Variants in MARVELD2 observed in about 807,000 individuals in gnomAD.
The protein encoded by MARVELD2 is MARVEL domain containing 2, also known as MARVEL domain-containing protein 2.
MARVELD2 carries 49 observed loss-of-function variants against 57.6 expected under a neutral mutation model. The ratio of observed to expected loss-of-function variants is 0.85; its 90% CI spans 0.68 to 1.08. The LOEUF is 1.08. MARVELD2 is among the 50% of genes least tolerant of loss of function. The pLI is 0.00. For missense variants in MARVELD2, 606 were observed against 701.1 expected (o/e 0.86, Z 1.53); for synonymous variants, 238 against 258.8 (o/e 0.92, Z 0.77).
At chr5:69,431,008 G>T (rs1766946172) in intron 3 of MARVELD2, among the ~76,000 whole-genome samples, 1 of 148,236 alleles carries the variant, frequency 6.7e-6, no homozygotes, top group Non-Finnish European at 1.5e-5. Flanking sequence ...CTGCAGCCTC[G>T]AACTCCTGGC....
At chr5:69,438,584 C>T (rs1767228084) in intron 5 of MARVELD2, among the ~76,000 whole-genome samples, 1 of 151,782 alleles carries the variant, frequency 6.6e-6, no homozygotes, top group African/African-American at 2.4e-5. Flanking sequence ...TGCATCTACA[C>T]ACAAAAAAGT....
chr5:69,423,662 G>A (rs540123453), intron 2 of MARVELD2, among the ~76,000 whole-genome samples: 61 of 151,146 alleles, frequency 4.0e-4, no homozygotes, highest in Non-Finnish European at 5.6e-4. Context: ...TTGTAGAGAC[G>A]GGGTCTTGCT....
intron 2 of MARVELD2, 63 bp from the exon 3 acceptor site, chr5:69,424,538 G>C: frequency 1.4e-6 from 2 of 1,388,670 alleles, no homozygotes; most frequent in Admixed American, 3.4e-5. Context: ...GCAAATGGAT[G>C]AAAATATTTG....
At position 69,420,474 on chromosome 5, in the gene MARVELD2, A is replaced by G. The variant is rs2150915304; in HGVS notation, c.1089A>G (p.Leu363=). The G allele has an allele frequency of 6.2e-7, 1 of 1,613,528 alleles. No homozygotes were observed. ...IVYLISALVC[L]KLWRHEAARR... The stretch of plus-strand genomic sequence containing the variant: ...ATCTCATTAGTGCTTTGGTTTGCCT[A>G]AAGTTATGGAGGCATGAGGCAGCTC... The change falls in exon 2 of 7, where the codon CTA becomes CTG. Residue 363 remains leucine, a synonymous_variant. Coordinates refer to ENST00000325631, the MANE Select transcript of MARVELD2 (RefSeq NM_001038603.3).
intron 3 of MARVELD2, among the ~76,000 whole-genome samples, chr5:69,430,185 T>C (rs6861549): frequency 0.042 from 6,421 of 152,072 alleles, 443 homozygotes; most frequent in African/African-American, 0.15. Context: ...CTAGGAAATA[T>C]GGTGAAACCC....
intron 2 of MARVELD2, 32 bp downstream of exon 2, chr5:69,420,563 T>G (rs781517700): frequency 6.3e-7 from 1 of 1,593,168 alleles, no homozygotes. Context: ...CATTTGTGTG[T>G]GTATGTTTGT....
chr5:69,419,691 G>A lies in MARVELD2; in HGVS notation c.306G>A (p.Pro102=), dbSNP rs181575833. 4.1e-5 allele frequency: 66 copies of A among 1,614,126 alleles called. No homozygotes were observed. In the East Asian group the frequency reaches 5.8e-4, roughly 14 times the overall value. ...AAAAGGACCCCGAATGGGATAAGCC[G>A]GTGTCTGATATCAGGTACATCTCCG... The part of the protein sequence containing the change: ...GKKKDPEWDK[P]VSDIRYISDG... The change falls in exon 2 of 7, where the codon CCG becomes CCA. Residue 102 remains proline, a synonymous_variant. Transcript: ENST00000325631.
rs962647054 is a variant in MARVELD2 at position 69,435,170 on chromosome 5, C to T, written c.1503+2077C>T. Among the ~76,000 whole-genome samples the T allele has an allele frequency of 4.6e-5, 7 of 151,432 alleles. No homozygotes were observed. In the East Asian group the frequency reaches 9.8e-4, roughly 21 times the overall value. ...CTGAGTAGATGGGACTATAGGTGCA[C>T]ACCCGGCTAATTTTTGTATTTTTAG... On this transcript the variant is annotated intron_variant, in intron 5 of 6. Transcript: ENST00000325631.
intron 3 of MARVELD2, among the ~76,000 whole-genome samples, chr5:69,429,811 A>C (rs1001842252): frequency 4.1e-5 from 6 of 147,336 alleles, no homozygotes; most frequent in African/African-American, 1.5e-4. Flanking sequence ...TCGCCACTGC[A>C]CTCCAGCCTG....
intron 3 of MARVELD2, among the ~76,000 whole-genome samples, chr5:69,429,483 G>A (rs966917754): frequency 1.3e-5 from 2 of 152,214 alleles, no homozygotes; most frequent in African/African-American, 4.8e-5. Context: ...GGCTTAAGGG[G>A]TCAGTAGAGG....
At chr5:69,426,598 G>T (rs1580482064) in intron 3 of MARVELD2, among the ~76,000 whole-genome samples, 1 of 152,064 alleles carries the variant, frequency 6.6e-6, no homozygotes, top group East Asian at 1.9e-4. Flanking sequence ...CTCCCAAAGT[G>T]CTGGGATTAC....
At position 69,442,903 on chromosome 5, in the gene MARVELD2, A is replaced by T. The variant is rs1580506134; in HGVS notation, c.*1249A>T. 7.0e-6 allele frequency: 1 copy of T among 143,662 alleles called. No homozygotes were observed. The highest frequency in any genetic ancestry group is 1.5e-5 in the Non-Finnish European group (1 of 67,176). 8.9% of individuals were successfully genotyped at this position (143,662 alleles called of 1,614,324 possible). ...GAGTGCAGTGGTGCGATCTCGGCTC[A>T]CTGCAAGCTCCGCCTCCCAAGTTCA... On this transcript the variant is annotated 3_prime_UTR_variant, in exon 7 of 7. Coordinates refer to ENST00000325631, the MANE Select transcript of MARVELD2 (RefSeq NM_001038603.3).
intron 3 of MARVELD2, among the ~76,000 whole-genome samples, chr5:69,427,503 C>G (rs1301792386): frequency 6.6e-6 from 1 of 151,756 alleles, no homozygotes; most frequent in East Asian, 1.9e-4. Context: ...CTCCGACTTC[C>G]TGGTTCAAGC....
In MARVELD2 at chr5:69,442,334, G is replaced by A. The variant is rs1363643947; in HGVS notation, c.*680G>A. The A allele has an allele frequency of 1.3e-5, 2 of 152,114 alleles. No individual in the cohort carries two copies. The highest frequency in any genetic ancestry group is 2.9e-5 in the Non-Finnish European group (2 of 68,028). The allele number at this position is 152,114 out of a possible 1,614,324, so 9.4% of individuals were successfully genotyped here. On this transcript the variant is annotated 3_prime_UTR_variant, in exon 7 of 7. Transcript: ENST00000325631. ...AAAGGATTTTTCTAAGGGAAAAAGG[G>A]TGACATCTTTCAAAGGTGTCATTTA...
At chr5:69,428,629 G>A (rs1766867202) in intron 3 of MARVELD2, among the ~76,000 whole-genome samples, 1 of 39,108 alleles carries the variant, frequency 2.6e-5, no homozygotes. Context: ...ATTAGGGATG[G>A]GCAAGTAAGA....
intron 3 of MARVELD2, among the ~76,000 whole-genome samples, chr5:69,430,096 T>C (rs1766913346): frequency 6.6e-6 from 1 of 151,572 alleles, no homozygotes; most frequent in Non-Finnish European, 1.5e-5. Context: ...GGCCAGGCAC[T>C]GTGGCTCATG....
At chr5:69,424,455 T>A in intron 2 of MARVELD2, 146 bp from the exon 3 acceptor site, 3 of 693,264 alleles carry the variant, frequency 4.3e-6, no homozygotes, top group Non-Finnish European at 7.8e-6. Context: ...CTTCAAAACC[T>A]AGGCAAAAAA....
At chr5:69,416,807 T>C (rs1446630147) in intron 1 of MARVELD2, among the ~76,000 whole-genome samples, 2 of 152,332 alleles carry the variant, frequency 1.3e-5, no homozygotes, top group East Asian at 1.9e-4. Context: ...CATTGGATTA[T>C]TTCAATGGCC....
chr5:69,440,636 C>T, intron 6 of MARVELD2, 136 bp downstream of exon 6: 1 of 612,644 alleles, frequency 1.6e-6, no homozygotes, highest in Non-Finnish European at 3.0e-6. Flanking sequence ...AAAATGGCTG[C>T]TGGATGCCAT....
Sources: allele counts gnomAD v4.1 joint callset (sites outside exome capture counted in the v4.1 genomes callset), GRCh38; gene constraint gnomAD v4.1.1; transcripts MANE v1.5; gene names NCBI Gene and HGNC (gene_info 2026-07-23, HGNC 2026-07-21).